The following WWOX variants were observed in gnomAD, a reference collection of about 807,000 sequenced individuals.
The protein encoded by WWOX is WW domain-containing oxidoreductase.
A neutral mutation model predicts 46.2 loss-of-function variants in WWOX; 69 were observed. The ratio of observed to expected loss-of-function variants is 1.49; its 90% CI spans 1.23 to 1.82. The LOEUF is 1.82. Among genes scored for constraint, WWOX ranks in the 40% most tolerant of loss-of-function variants. WWOX has a pLI of 0.00. For synonymous variants in WWOX, 359 were observed against 202.6 expected (o/e 1.77, Z -6.56); for missense variants, 919 against 542.6 (o/e 1.69, Z -6.89).
chr16:78,848,133 A>G (rs544832498), intron 8 of WWOX, among the ~76,000 whole-genome samples: 2 of 152,326 alleles, frequency 1.3e-5, no homozygotes, highest in East Asian at 3.9e-4. Context: ...GAAACTAAAT[A>G]TAAGAAAAAT....
At chr16:78,104,588 T>G (rs1419338611) in intron 1 of WWOX, among the ~76,000 whole-genome samples, 1 of 152,190 alleles carries the variant, frequency 6.6e-6, no homozygotes, top group East Asian at 1.9e-4. Context: ...ATCCTTTGGT[T>G]TAAGTTTAGA....
intron 8 of WWOX, among the ~76,000 whole-genome samples, chr16:78,736,864 A>G (rs1473179589): frequency 6.6e-6 from 1 of 152,000 alleles, no homozygotes. Context: ...CTGCCTCAGA[A>G]TCCCAAAGTG....
At chr16:78,119,778 T>C (rs1005418078) in intron 4 of WWOX, among the ~76,000 whole-genome samples, 6 of 152,178 alleles carry the variant, frequency 3.9e-5, no homozygotes, top group African/African-American at 1.2e-4. Flanking sequence ...TATTAGCAAG[T>C]ATGAACAAAT....
chr16:78,486,068 T>TA (rs749237293), intron 8 of WWOX, among the ~76,000 whole-genome samples: 1 of 152,248 alleles, frequency 6.6e-6, no homozygotes, highest in East Asian at 1.9e-4. Flanking sequence ...TGAATGCTGT[T>TA]ACCATATTCC....
At chr16:78,625,425 A>G (rs1295164023) in intron 8 of WWOX, among the ~76,000 whole-genome samples, 1 of 152,152 alleles carries the variant, frequency 6.6e-6, no homozygotes, top group Non-Finnish European at 1.5e-5. Context: ...ATGCTTTTCT[A>G]TATGCTGTTG....
At chr16:78,378,842 C>G (rs2081888948) in intron 5 of WWOX, among the ~76,000 whole-genome samples, 2 of 152,162 alleles carry the variant, frequency 1.3e-5, no homozygotes, top group African/African-American at 4.8e-5. Context: ...CTTGTAAATT[C>G]TAACTGGGTA....
intron 5 of WWOX, among the ~76,000 whole-genome samples, chr16:78,277,548 G>T (rs533220568): frequency 2.0e-5 from 3 of 152,260 alleles, no homozygotes; most frequent in East Asian, 3.9e-4. Context: ...GCTGGGCAGG[G>T]GGTGGGGGAG....
intron 6 of WWOX, among the ~76,000 whole-genome samples, chr16:78,407,902 A>G (rs1371917690): frequency 6.6e-6 from 1 of 152,258 alleles, no homozygotes; most frequent in Non-Finnish European, 1.5e-5. Context: ...ACATTTGCAC[A>G]TACAGATTAT....
chr16:78,173,588 G>C (rs770738370), intron 5 of WWOX, among the ~76,000 whole-genome samples: 5 of 151,862 alleles, frequency 3.3e-5, no homozygotes, highest in Non-Finnish European at 5.9e-5. Context: ...ATGGGCCATC[G>C]TGCCTGGCCT....
At chr16:78,100,325 C>A in intron 1 of WWOX, 1 of 847,186 alleles carries the variant, frequency 1.2e-6, no homozygotes, top group Non-Finnish European at 1.5e-6. Context: ...CCATCATAGC[C>A]CACTGTAGCC....
intron 8 of WWOX, among the ~76,000 whole-genome samples, chr16:79,031,851 A>T (rs1475328426): frequency 7.2e-6 from 1 of 139,824 alleles, no homozygotes; most frequent in Non-Finnish European, 1.5e-5. Context: ...CTTATTATAT[A>T]TTATATATAT....
chr16:78,670,701 A>G (rs916413527), intron 8 of WWOX, among the ~76,000 whole-genome samples: 2 of 151,626 alleles, frequency 1.3e-5, no homozygotes, highest in Non-Finnish European at 3.0e-5. Flanking sequence ...AAACAGAGAT[A>G]GAGTCTTGCC....
intron 8 of WWOX, among the ~76,000 whole-genome samples, chr16:78,757,973 A>G (rs1350026193): frequency 6.6e-6 from 1 of 152,024 alleles, no homozygotes; most frequent in African/African-American, 2.4e-5. Context: ...TGATTCCACA[A>G]CACTGACCTT....
chr16:78,766,414 G>A (rs2142504811), intron 8 of WWOX, among the ~76,000 whole-genome samples: 1 of 152,298 alleles, frequency 6.6e-6, no homozygotes, highest in South Asian at 2.1e-4. Context: ...GGGCAACACA[G>A]CAAGACCCCA....
rs1323982899 is a variant in WWOX at position 78,339,758 on chromosome 16, GTGT to G, written c.517-47097_517-47095del. 4.3e-5 allele frequency among the ~76,000 whole-genome samples: 5 copies of G among 117,368 alleles called. 1 individual carries two copies. The highest frequency in any genetic ancestry group is 1.0e-4 in the Non-Finnish European group (5 of 49,572). The allele number at this position is 117,368 out of a possible 152,430, so 77.0% of individuals were successfully genotyped here. Reference sequence around the variant, plus strand: ...TTTAAATTCTATTTTGTGGCTTTCTGTGTTGTTCTCGGGAAGTACAAACCCTTG... The same window carrying G: ...TTTAAATTCTATTTTGTGGCTTTCTGTGTTCTCGGGAAGTACAAACCCTTG... On this transcript the variant is annotated intron_variant, in intron 5 of 8. Coordinates refer to ENST00000566780, the MANE Select transcript of WWOX (RefSeq NM_016373.4).
chr16:78,935,300 C>T (rs1245886484), intron 8 of WWOX, among the ~76,000 whole-genome samples: 2 of 152,136 alleles, frequency 1.3e-5, no homozygotes, highest in East Asian at 1.9e-4. Flanking sequence ...AAGACACATG[C>T]ACATGTATGT....
chr16:78,531,678 A>G (rs1470212449), intron 8 of WWOX, among the ~76,000 whole-genome samples: 2 of 152,032 alleles, frequency 1.3e-5, no homozygotes, highest in African/African-American at 4.8e-5. Context: ...CCCTGTCTCT[A>G]CTAAAAATAC....
chr16:79,043,008 C>G (rs1006286805), intron 8 of WWOX, among the ~76,000 whole-genome samples: 5 of 152,082 alleles, frequency 3.3e-5, no homozygotes. Context: ...TGTCTTTGAG[C>G]TTTTCTGTTC....
intron 8 of WWOX, among the ~76,000 whole-genome samples, chr16:78,907,090 C>T (rs938011409): frequency 3.3e-5 from 5 of 152,076 alleles, no homozygotes; most frequent in East Asian, 1.9e-4. Flanking sequence ...TTTATTGTTA[C>T]TCAAATCAGC....
Sources: allele counts gnomAD v4.1 joint callset (sites outside exome capture counted in the v4.1 genomes callset), GRCh38; gene constraint gnomAD v4.1.1; transcripts MANE v1.5; gene names NCBI Gene and HGNC (gene_info 2026-07-23, HGNC 2026-07-21).